DNM2: variants seen among roughly 807,000 people sequenced by gnomAD.
DNM2 encodes dynamin-2.
DNM2 carries 15 observed loss-of-function variants against 99.0 expected under a neutral mutation model. The ratio of observed to expected loss-of-function variants is 0.15; its 90% CI spans 0.10 to 0.23. The LOEUF is 0.23. Among genes scored for constraint, DNM2 ranks in the 10% least tolerant of loss-of-function variants. The probability of loss-of-function intolerance (pLI) is 1.00; values close to 1 mark genes in which losing one functional copy is unlikely to be tolerated. For missense variants in DNM2, 742 were observed against 1,189.4 expected, an observed-to-expected ratio of 0.62 and a Z score of 5.53; for synonymous variants, 525 against 481.2, an observed-to-expected ratio of 1.09 and a Z score of -1.19.
intron 1 of DNM2, chr19:10,718,613 C>A: frequency 2.9e-6 from 2 of 688,240 alleles, no homozygotes; most frequent in South Asian, 6.7e-5. Context: ...GCCCCAGGGG[C>A]GGTGTCACGG....
In DNM2 at chr19:10,775,364, G is replaced by A. The variant is rs868435298; in HGVS notation, c.386-339G>A. On this transcript the variant is annotated intron_variant, in intron 3 of 20. Coordinates refer to ENST00000389253, the MANE Select transcript of DNM2 (RefSeq NM_001005361.3). The surrounding 1 kb of genome is among the most constrained non-coding windows in gnomAD (Gnocchi z 4.3). ...CCCAAAGTGCTGGGATTGCAGATGT[G>A]AGCCACCGCACCCAGCCTCATCTGT... Among the ~76,000 whole-genome samples, 2 of 152,220 alleles carry A rather than the reference G, an allele frequency of 1.3e-5. No homozygotes were observed. The highest frequency in any genetic ancestry group is 2.9e-5 in the Non-Finnish European group (2 of 68,038).
chr19:10,773,440 C>G (rs2071045553), intron 3 of DNM2, among the ~76,000 whole-genome samples: 5 of 113,940 alleles, frequency 4.4e-5, no homozygotes. Flanking sequence ...AGCCGCCGCG[C>G]CCGGCCAAAT....
At position 10,830,419 on chromosome 19, in the gene DNM2, C is replaced by T. The variant is rs753937980; in HGVS notation, c.2543+41C>T. 1 of 1,594,608 alleles carries T rather than the reference C, an allele frequency of 6.3e-7. No individual in the cohort carries two copies. On this transcript the variant is annotated intron_variant, in intron 20 of 20. Transcript: ENST00000389253. The surrounding 1 kb of genome is among the most constrained non-coding windows in gnomAD (Gnocchi z 4.8). ...TGCCCTCCACCCCAACTGCCTGCAC[C>T]CTGGGGTCTCTCCTCCTGTCTCACT...
In DNM2 at chr19:10,795,020, G is replaced by A. The variant is rs896610741; in HGVS notation, c.1129-352G>A. ...CTGCAGCTTCGACCTTCCTGGGCTC[G>A]GATGATCCTCCCACCTCAGCCTCCC... is the stretch of plus-strand genomic sequence containing the variant. On this transcript the variant is annotated intron_variant, in intron 8 of 20. Transcript: ENST00000389253. This position sits in a 1 kb window ranked among gnomAD's most constrained non-coding sequence, Gnocchi z 4.2. Among the ~76,000 whole-genome samples, 3 of 151,974 alleles carry A rather than the reference G, an allele frequency of 2.0e-5. No individual in the cohort carries two copies. The highest frequency in any genetic ancestry group is 6.6e-5 in the Admixed American group (1 of 15,254).
At chr19:10,748,017 T>A (rs2145798054) in intron 1 of DNM2, among the ~76,000 whole-genome samples, 1 of 152,120 alleles carries the variant, frequency 6.6e-6, no homozygotes, top group East Asian at 1.9e-4. Flanking sequence ...GAGGCATATG[T>A]GGCTGGAGTA....
At chr19:10,738,313 T>A (rs1218502732) in intron 1 of DNM2, among the ~76,000 whole-genome samples, 1 of 151,980 alleles carries the variant, frequency 6.6e-6, no homozygotes, top group African/African-American at 2.4e-5. Flanking sequence ...TTCATTGAGA[T>A]CAGTATCAAA....
chr19:10,813,098 A>G (rs2072609218), intron 15 of DNM2, among the ~76,000 whole-genome samples: 1 of 152,192 alleles, frequency 6.6e-6, no homozygotes, highest in Non-Finnish European at 1.5e-5. Context: ...TCTGGGCCTC[A>G]GTTTTTCTAT....
intron 4 of DNM2, 140 bp from the exon 5 acceptor site, chr19:10,776,978 C>A: frequency 3.9e-6 from 3 of 779,124 alleles, no homozygotes. Flanking sequence ...AACTGGGGTC[C>A]AGGCCTGTGA....
In DNM2 at chr19:10,784,789, A is replaced by G. The variant is rs1366493412; in HGVS notation, c.849+1669A>G. Among the ~76,000 whole-genome samples the G allele has an allele frequency of 3.5e-5, 5 of 143,266 alleles. No homozygotes were observed. The East Asian group carries it at 8.1e-4, about 23-fold the overall frequency. 94.0% of individuals were successfully genotyped at this position (143,266 alleles called of 152,430 possible). The stretch of plus-strand genomic sequence containing the variant: ...ATGCCTCTTTTCTAGCTCGCCAGAC[A>G]CTTTGTATTTATTTTTTATTTTTTT... On this transcript the variant is annotated intron_variant, in intron 6 of 20. Transcript: ENST00000389253.
chr19:10,829,071 C>T lies in DNM2; in HGVS notation c.2094C>T (p.Tyr698=). ...TCATCCACCACGAGCTGCTGGCCTA[C>T]CTATACTCCTCGGCAGACCAGAGCA... ...KAFIHHELLA[Y]LYSSADQSSL... is the part of the protein sequence containing the mutation. Residue 698 remains tyrosine, a synonymous_variant, in exon 19 of 21, where the codon TAC becomes TAT. Transcript: ENST00000389253. The T allele has an allele frequency of 1.2e-6, 2 of 1,613,846 alleles. No homozygotes were observed. Among genetic ancestry groups the T allele is most frequent in the Non-Finnish European group, 1.7e-6 (2 of 1,179,976 alleles).
At chr19:10,805,869 C>A (rs143003949) in intron 12 of DNM2, 47 bp from the exon 13 acceptor site, 4 of 1,613,762 alleles carry the variant, frequency 2.5e-6, no homozygotes, top group South Asian at 1.1e-5. Context: ...CCCTTCTTCC[C>A]CCCCGGCATC....
intron 5 of DNM2, among the ~76,000 whole-genome samples, chr19:10,778,846 G>C (rs1488563853): frequency 6.6e-6 from 1 of 152,018 alleles, no homozygotes; most frequent in Non-Finnish European, 1.5e-5. Context: ...AATTAGATCA[G>C]GTTCAGGTTC....
chr19:10,788,232 C>CAA (rs55881063), intron 7 of DNM2, among the ~76,000 whole-genome samples: 49 of 56,962 alleles, frequency 8.6e-4, no homozygotes, highest in Middle Eastern at 0.019. Flanking sequence ...GACTCCGTCT[C>CAA]AAAAAAAAAA....
intron 16 of DNM2, among the ~76,000 whole-genome samples, chr19:10,822,164 G>A (rs577807561): frequency 2.0e-5 from 3 of 151,802 alleles, no homozygotes; most frequent in East Asian, 1.9e-4. Context: ...TTGAGACCCT[G>A]GTTCTTTTTT....
At chr19:10,761,619 A>G (rs1325334345) in intron 2 of DNM2, among the ~76,000 whole-genome samples, 5 of 152,052 alleles carry the variant, frequency 3.3e-5, no homozygotes, top group Non-Finnish European at 7.4e-5. Context: ...TCACACTGGG[A>G]AGGCAGCTGA....
chr19:10,788,195 T>A (rs1239003782), intron 7 of DNM2, among the ~76,000 whole-genome samples: 1 of 147,196 alleles, frequency 6.8e-6, no homozygotes, highest in Non-Finnish European at 1.5e-5. Flanking sequence ...AACGTGTCAC[T>A]GCATATCAGC....
chr19:10,778,026 T>TATTTATTG (rs1284019218), intron 5 of DNM2, among the ~76,000 whole-genome samples: 1 of 146,640 alleles, frequency 6.8e-6, no homozygotes, highest in Non-Finnish European at 1.5e-5. Context: ...TCATTTTATT[T>TATTTATTG]ATTTATTTAT....
At chr19:10,719,545 A>G (rs113726759) in intron 1 of DNM2, among the ~76,000 whole-genome samples, 2 of 152,224 alleles carry the variant, frequency 1.3e-5, no homozygotes, top group African/African-American at 4.8e-5. Flanking sequence ...TCCAGGATTC[A>G]GGAAGCAAAT....
At chr19:10,766,530 G>A (rs546067077) in intron 2 of DNM2, among the ~76,000 whole-genome samples, 1 of 152,206 alleles carries the variant, frequency 6.6e-6, no homozygotes, top group East Asian at 1.9e-4. Flanking sequence ...CCCCAGTTGG[G>A]GGTTCCTGGG....
Sources: allele counts gnomAD v4.1 joint callset (sites outside exome capture counted in the v4.1 genomes callset), GRCh38; gene constraint gnomAD v4.1.1; non-coding constraint Gnocchi (gnomAD v3.1); transcripts MANE v1.5; gene names NCBI Gene and HGNC (gene_info 2026-07-23, HGNC 2026-07-21).